SNTG1: variants seen among roughly 807,000 people sequenced by gnomAD.
SNTG1 encodes the protein syntrophin gamma 1, also known as gamma-1-syntrophin.
A neutral mutation model predicts 74.7 loss-of-function variants in SNTG1; 39 were observed. That is an observed-to-expected ratio of 0.52 (90% CI 0.40 to 0.68). The LOEUF (loss-of-function observed/expected upper bound fraction) is 0.68. SNTG1 is among the 30% of genes least tolerant of loss of function. The pLI is 0.00. For missense variants in SNTG1, 685 were observed against 609.5 expected (o/e 1.12, Z -1.30); for synonymous variants, 254 against 217.1 (o/e 1.17, Z -1.49).
At chr8:50,357,164 G>A (rs1299156608) in intron 2 of SNTG1, among the ~76,000 whole-genome samples, 5 of 152,076 alleles carry the variant, frequency 3.3e-5, no homozygotes, top group Admixed American at 3.3e-4. Context: ...ATACTCCTTG[G>A]TGTGGAGTTG....
chr8:50,336,074 G>A (rs2091133046), intron 2 of SNTG1, among the ~76,000 whole-genome samples: 1 of 152,062 alleles, frequency 6.6e-6, no homozygotes, highest in African/African-American at 2.4e-5. Context: ...GATGAATTAA[G>A]TATTATGTGT....
chr8:50,461,156 GGTGTGTGTGTGTGTGTGTGTGTGT>G (rs71233496), intron 8 of SNTG1, among the ~76,000 whole-genome samples: 2 of 124,088 alleles, frequency 1.6e-5, no homozygotes, highest in Non-Finnish European at 3.4e-5. Flanking sequence ...AGATTTTTCT[GGTGTGTGTGTGTGTGTGTGTGTGT>G]GTGTGTGTGT....
chr8:49,918,588 T>C (rs748495925), intron 1 of SNTG1, among the ~76,000 whole-genome samples: 2 of 149,878 alleles, frequency 1.3e-5, no homozygotes, highest in Non-Finnish European at 3.0e-5. Context: ...GAATATTCTG[T>C]TGGATTTCAC....
chr8:50,439,514 C>T (rs1047954261), intron 5 of SNTG1, among the ~76,000 whole-genome samples: 9 of 151,910 alleles, frequency 5.9e-5, no homozygotes, highest in Non-Finnish European at 8.8e-5. Flanking sequence ...TATGCAATAG[C>T]GTTGTATTGT....
chr8:50,295,637 T>C (rs1335775305), intron 2 of SNTG1, among the ~76,000 whole-genome samples: 1 of 152,174 alleles, frequency 6.6e-6, no homozygotes, highest in Non-Finnish European at 1.5e-5. Flanking sequence ...TGCCAAAGGT[T>C]GTTTGCATGT....
intron 2 of SNTG1, among the ~76,000 whole-genome samples, chr8:50,312,095 T>C (rs1040353444): frequency 6.6e-6 from 1 of 152,100 alleles, no homozygotes; most frequent in African/African-American, 2.4e-5. Flanking sequence ...AATCCAGCTG[T>C]ATGACAATGG....
chr8:50,262,556 C>T (rs1199332039), intron 2 of SNTG1, among the ~76,000 whole-genome samples: 2 of 151,996 alleles, frequency 1.3e-5, no homozygotes, highest in East Asian at 3.9e-4. Context: ...CTACAGGCAC[C>T]CACCACCACG....
intron 1 of SNTG1, among the ~76,000 whole-genome samples, chr8:49,962,071 C>T (rs746173607): frequency 6.6e-6 from 1 of 152,094 alleles, no homozygotes; most frequent in Non-Finnish European, 1.5e-5. Flanking sequence ...TAGTAGGTTG[C>T]CCTTGAGCGG....
At chr8:50,679,136 G>A (rs748317847) in intron 15 of SNTG1, among the ~76,000 whole-genome samples, 3 of 152,024 alleles carry the variant, frequency 2.0e-5, no homozygotes, top group Admixed American at 6.6e-5. Context: ...TAGAAACTAA[G>A]ACAAGTTTTC....
intron 1 of SNTG1, among the ~76,000 whole-genome samples, chr8:50,041,058 G>A (rs560083674): frequency 1.4e-4 from 22 of 152,008 alleles, no homozygotes; most frequent in East Asian, 5.8e-4. Context: ...CACCATGCCC[G>A]GCTAATTTTG....
intron 1 of SNTG1, among the ~76,000 whole-genome samples, chr8:50,130,381 G>A (rs2131397995): frequency 6.6e-6 from 1 of 152,106 alleles, no homozygotes; most frequent in East Asian, 1.9e-4. Context: ...AATCTAGGAG[G>A]CACAAATATC....
chr8:50,252,672 G>T (rs1339721937), intron 2 of SNTG1, among the ~76,000 whole-genome samples: 2 of 152,118 alleles, frequency 1.3e-5, no homozygotes, highest in African/African-American at 2.4e-5. Context: ...GAGAGAGGGA[G>T]TGGGGAAATG....
intron 2 of SNTG1, among the ~76,000 whole-genome samples, chr8:50,325,511 C>T (rs991041291): frequency 1.3e-5 from 2 of 151,916 alleles, no homozygotes; most frequent in Non-Finnish European, 2.9e-5. Flanking sequence ...TTTCAAACTG[C>T]ACTAGGTCAT....
At chr8:50,274,077 T>G (rs1473841781) in intron 2 of SNTG1, among the ~76,000 whole-genome samples, 3 of 152,044 alleles carry the variant, frequency 2.0e-5, no homozygotes, top group Non-Finnish European at 2.9e-5. Context: ...TGTGTGTCAG[T>G]TTTTGTTGTT....
chr8:50,589,827 T>C (rs576125052), intron 12 of SNTG1, among the ~76,000 whole-genome samples: 1 of 152,190 alleles, frequency 6.6e-6, no homozygotes, highest in Non-Finnish European at 1.5e-5. Context: ...TGAAGGCATA[T>C]ATGAGTAGGT....
intron 17 of SNTG1, among the ~76,000 whole-genome samples, chr8:50,734,826 C>CAT (rs746031621): frequency 3.2e-5 from 2 of 62,962 alleles, no homozygotes; most frequent in South Asian, 6.1e-4. Flanking sequence ...TATATATGGA[C>CAT]ATATATATAT....
intron 1 of SNTG1, among the ~76,000 whole-genome samples, chr8:50,046,207 G>T (rs1055909632): frequency 6.6e-6 from 1 of 152,038 alleles, no homozygotes. Flanking sequence ...TTAGCTACAG[G>T]CCATAAGTAA....
chr8:50,662,920 T>C (rs1166885531), intron 15 of SNTG1, among the ~76,000 whole-genome samples: 1 of 152,178 alleles, frequency 6.6e-6, no homozygotes, highest in African/African-American at 2.4e-5. Context: ...ACCTTCTATG[T>C]GCCAAGCACT....
chr8:50,492,636 A>T (rs1462584519), intron 8 of SNTG1, among the ~76,000 whole-genome samples: 1 of 152,276 alleles, frequency 6.6e-6, no homozygotes, highest in East Asian at 1.9e-4. Flanking sequence ...TCTGGATATT[A>T]GTCCTTTGTC....
Sources: allele counts gnomAD v4.1 joint callset (sites outside exome capture counted in the v4.1 genomes callset), GRCh38; gene constraint gnomAD v4.1.1; transcripts MANE v1.5; gene names NCBI Gene and HGNC (gene_info 2026-07-23, HGNC 2026-07-21).